TNRC6C: variants seen among roughly 807,000 people sequenced by gnomAD.
TNRC6C encodes the protein trinucleotide repeat-containing gene 6C protein.
In TNRC6C, 20 loss-of-function variants were observed where a neutral mutation model predicts 153.7. That is an observed-to-expected ratio of 0.13 (90% CI 0.09 to 0.19). The LOEUF is 0.19. Ranked by LOEUF, TNRC6C falls within the 10% of genes least tolerant of loss-of-function variation. TNRC6C has a pLI of 1.00. For missense variants in TNRC6C, 1,987 were observed against 2,172.0 expected, an observed-to-expected ratio of 0.91 and a Z score of 1.69; for synonymous variants, 811 against 841.4, an observed-to-expected ratio of 0.96 and a Z score of 0.63.
At chr17:78,004,848 T>A (rs145487017), upstream of TNRC6C, among the ~76,000 whole-genome samples, 1 of 152,112 alleles carries the variant, frequency 6.6e-6, no homozygotes, top group Non-Finnish European at 1.5e-5. Context: ...CCAGATAGAA[T>A]TTTTTGCCTT....
intron 1 of TNRC6C, among the ~76,000 whole-genome samples, chr17:78,012,358 G>A (rs892875275): frequency 4.6e-5 from 7 of 152,096 alleles, no homozygotes; most frequent in Non-Finnish European, 7.4e-5. Flanking sequence ...AGGGTGGAAG[G>A]AGGGAGAGGA....
chr17:78,095,779 T>C (rs932489781), intron 16 of TNRC6C, among the ~76,000 whole-genome samples: 5 of 152,202 alleles, frequency 3.3e-5, no homozygotes, highest in African/African-American at 1.2e-4. Context: ...CACAGTGGCT[T>C]ACACCTGTAA....
intron 17 of TNRC6C, among the ~76,000 whole-genome samples, chr17:78,101,266 A>T (rs560264176): frequency 6.6e-6 from 1 of 152,290 alleles, no homozygotes; most frequent in East Asian, 1.9e-4. Flanking sequence ...TTGCTAAAAC[A>T]ACAAGAGCCA....
intron 2 of TNRC6C, among the ~76,000 whole-genome samples, chr17:78,035,729 T>G (rs1231637753): frequency 6.6e-6 from 1 of 152,244 alleles, no homozygotes; most frequent in African/African-American, 2.4e-5. Flanking sequence ...ATTTTGAAGT[T>G]TCACTTGTCC....
chr17:78,065,654 C>T (rs572522414), intron 4 of TNRC6C, among the ~76,000 whole-genome samples: 5 of 152,272 alleles, frequency 3.3e-5, no homozygotes, highest in African/African-American at 4.8e-5. Flanking sequence ...AGCAGCCTAA[C>T]GCATCTTGCC....
rs2072486580 is a variant in TNRC6C at position 78,049,863 on chromosome 17, G to A, written c.801G>A (p.Gln267=). 3 of 1,613,994 alleles carry A rather than the reference G, an allele frequency of 1.9e-6. No homozygotes were observed. Among genetic ancestry groups the A allele is most frequent in the Non-Finnish European group, 2.5e-6 (3 of 1,179,856 alleles). ...GAAATAGCAATTCTGGGTTCAGTCAGGGGAATGGAGACACTGTGAACTCAG... is the reference window on the plus strand; with the variant it reads ...GAAATAGCAATTCTGGGTTCAGTCAAGGGAATGGAGACACTGTGAACTCAG... The change falls in exon 3 of 20, where the codon CAG becomes CAA. Residue 267 remains glutamine, a synonymous_variant. Transcript: ENST00000301624. This position sits in a 1 kb window ranked among gnomAD's most constrained non-coding sequence, Gnocchi z 4.1.
chr17:78,077,547 A>C (rs1369531814), intron 9 of TNRC6C: 6 of 651,934 alleles, frequency 9.2e-6, no homozygotes, highest in Non-Finnish European at 1.5e-5. Context: ...TTATTCTTAC[A>C]CTTAACTAAA....
chr17:78,075,357 C>T lies in TNRC6C; in HGVS notation c.3060+79C>T, dbSNP rs2073066697. The T allele has an allele frequency of 4.1e-6, 6 of 1,480,632 alleles. No individual in the cohort carries two copies. In the East Asian group the frequency reaches 1.5e-4, roughly 37 times the overall value. The allele number at this position is 1,480,632 out of a possible 1,614,324, so 91.7% of individuals were successfully genotyped here. The stretch of plus-strand genomic sequence containing the variant: ...ATTTCAACTGTGTCCTTAATACAAG[C>T]CAGATTAAAAACTTGCTGGACTATA... On this transcript the variant is annotated intron_variant, in intron 8 of 19. Transcript: ENST00000301624. This position sits in a 1 kb window ranked among gnomAD's most constrained non-coding sequence, Gnocchi z 4.2.
intron 1 of TNRC6C, among the ~76,000 whole-genome samples, chr17:78,019,306 A>G (rs1009896885): frequency 6.6e-6 from 1 of 152,248 alleles, no homozygotes; most frequent in South Asian, 2.1e-4. Flanking sequence ...AGAGATGACA[A>G]TGTAGTAGAA....
intron 3 of TNRC6C, among the ~76,000 whole-genome samples, chr17:78,061,936 A>G (rs933320893): frequency 6.6e-6 from 1 of 152,190 alleles, no homozygotes; most frequent in African/African-American, 2.4e-5. Context: ...TGTAATACCT[A>G]TTGCCTTCTC....
At chr17:77,970,010 T>G (rs2070928396) in intron 1 of TNRC6C, among the ~76,000 whole-genome samples, 1 of 152,206 alleles carries the variant, frequency 6.6e-6, no homozygotes, top group African/African-American at 2.4e-5. Flanking sequence ...GGATGATAAC[T>G]GTCTTTCTTC....
chr17:78,037,273 A>G (rs969447664), intron 2 of TNRC6C, among the ~76,000 whole-genome samples: 1 of 152,204 alleles, frequency 6.6e-6, no homozygotes, highest in Non-Finnish European at 1.5e-5. Context: ...AGCCTTTCAG[A>G]ACGGTGGTTT....
intron 6 of TNRC6C, 71 bp from the exon 9 acceptor site, chr17:78,072,966 G>A (rs1399325508): frequency 7.0e-6 from 8 of 1,141,414 alleles, no homozygotes; most frequent in Non-Finnish European, 1.0e-5. Flanking sequence ...AGTTGATAGT[G>A]ATTAAATTGT....
chr17:78,046,341 C>T (rs879392122), intron 2 of TNRC6C, among the ~76,000 whole-genome samples: 8 of 152,058 alleles, frequency 5.3e-5, no homozygotes, highest in Non-Finnish European at 8.8e-5. Flanking sequence ...CCACCACACC[C>T]GGCTAATTTT....
Position 78,049,461 on chromosome 17 carries a change from A to G in TNRC6C, c.399A>G (p.Ile133Met), listed in dbSNP as rs1453054607. 1 of 1,614,034 alleles carries G rather than the reference A, an allele frequency of 6.2e-7. No individual in the cohort carries two copies. Among genetic ancestry groups the G allele is most frequent in the Non-Finnish European group, 8.5e-7 (1 of 1,179,878 alleles). Residue 133 changes from isoleucine to methionine, a missense_variant, in exon 3 of 20, where the codon ATA (isoleucine) becomes ATG (methionine). Around this residue, in one of 4 missense-constraint regions of TNRC6C, gnomAD observed 1,052 missense variants for 1,017.0 expected, o/e 1.03. Transcript: ENST00000301624. The surrounding 1 kb of genome is among the most constrained non-coding windows in gnomAD (Gnocchi z 4.1). The stretch of plus-strand genomic sequence containing the variant: ...GTATTTGCAGTCCAGTCAGTGCCAT[A>G]GGTCAAAATATGGGCAACCAGAACG...
chr17:78,027,588 T>C (rs1189826104), intron 1 of TNRC6C, among the ~76,000 whole-genome samples: 2 of 152,180 alleles, frequency 1.3e-5, no homozygotes, highest in Non-Finnish European at 2.9e-5. Flanking sequence ...GAGAGAGTTG[T>C]GAGTTGAAGA....
Position 78,075,369 on chromosome 17 carries a change from C to G in TNRC6C, c.3060+91C>G, listed in dbSNP as rs1345624339. 2.1e-6 allele frequency: 3 copies of G among 1,427,884 alleles called. No homozygotes were observed. The highest frequency in any genetic ancestry group is 1.4e-5 in the South Asian group (1 of 72,876). 88.5% of individuals were successfully genotyped at this position (1,427,884 alleles called of 1,614,324 possible). On this transcript the variant is annotated intron_variant, in intron 8 of 19. Coordinates refer to ENST00000301624, the Ensembl canonical transcript of TNRC6C. This position sits in a 1 kb window ranked among gnomAD's most constrained non-coding sequence, Gnocchi z 4.2. Reference sequence around the variant, plus strand: ...TCCTTAATACAAGCCAGATTAAAAACTTGCTGGACTATAATACTTAAGTGA... The same window carrying G: ...TCCTTAATACAAGCCAGATTAAAAAGTTGCTGGACTATAATACTTAAGTGA...
At chr17:78,063,330 G>A (rs1054686460) in intron 3 of TNRC6C, among the ~76,000 whole-genome samples, 1 of 151,060 alleles carries the variant, frequency 6.6e-6, no homozygotes, top group Admixed American at 6.6e-5. Flanking sequence ...TCATTAGGTG[G>A]AATTGGATCA....
In TNRC6C at chr17:78,093,129, G is replaced by A; in HGVS notation, c.4162+5G>A. ...CTAGCATCAACTGGCCCCCAGGTAA[G>A]ACCATGCAACACTTCTGTGCAACAG... is the stretch of plus-strand genomic sequence containing the variant. On this transcript the variant is annotated splice_donor_5th_base_variant and intron_variant, in intron 15 of 19. Transcript: ENST00000301624. The A allele has an allele frequency of 6.2e-7, 1 of 1,611,986 alleles. No individual in the cohort carries two copies. Among genetic ancestry groups the A allele is most frequent in the Non-Finnish European group, 8.5e-7 (1 of 1,179,636 alleles).
Sources: allele counts gnomAD v4.1 joint callset (sites outside exome capture counted in the v4.1 genomes callset), GRCh38; gene constraint gnomAD v4.1.1; regional missense constraint gnomAD v4.1.1; non-coding constraint Gnocchi (gnomAD v3.1); transcripts MANE v1.5; gene names NCBI Gene and HGNC (gene_info 2026-07-23, HGNC 2026-07-21).